The following SAMD13 variants were observed in gnomAD, a reference collection of about 807,000 sequenced individuals.
The protein encoded by SAMD13 is sterile alpha motif domain-containing protein 13.
A neutral mutation model predicts 12.4 loss-of-function variants in SAMD13; 9 were observed. That is an observed-to-expected ratio of 0.72 (90% confidence interval 0.44 to 1.26). The LOEUF is 1.26. SAMD13 is among the 50% of genes most tolerant of loss of function. The pLI is 0.00. For synonymous variants in SAMD13, 46 were observed against 45.4 expected (o/e 1.01, Z -0.05); for missense variants, 84 against 119.6 (o/e 0.70, Z 1.39).
intron 3 of SAMD13, among the ~76,000 whole-genome samples, chr1:84,338,332 G>A (rs1679347250): frequency 6.6e-6 from 1 of 151,932 alleles, no homozygotes; most frequent in Admixed American, 6.6e-5. Context: ...GGCTGGGGAG[G>A]CCTCACAACC....
upstream of SAMD13, among the ~76,000 whole-genome samples, chr1:84,299,910 G>T (rs768448431): frequency 2.6e-5 from 4 of 152,076 alleles, no homozygotes; most frequent in Non-Finnish European, 5.9e-5. Context: ...AGGAAGAGAT[G>T]CTTGGAAAAA....
rs1399682804 is a variant in SAMD13, at chr1:84,325,551, G to T, written c.54-86G>T. On this transcript the variant is annotated intron_variant, in intron 2 of 3. Transcript: ENST00000394834. ...CATCTGAACCCAAAAAACATGAAAG[G>T]CCTGTCCCAGAAGACCCATTTGTGA... The T allele has an allele frequency of 1.7e-5, 13 of 767,534 alleles. No homozygotes were observed. In the East Asian group the frequency reaches 3.0e-4, roughly 18 times the overall value. The allele number at this position is 767,534 out of a possible 1,614,324, so 47.5% of individuals were successfully genotyped here.
intron 3 of SAMD13, among the ~76,000 whole-genome samples, chr1:84,342,054 A>C (rs1679438763): frequency 6.6e-6 from 1 of 152,174 alleles, no homozygotes; most frequent in Non-Finnish European, 1.5e-5. Flanking sequence ...GCATTGACAT[A>C]AGTTAGCATA....
chr1:84,303,245 T>TTGAC lies in SAMD13; in HGVS notation c.12_15dup (p.Met6Ter), dbSNP rs1678490225. Reference sequence around the variant, plus strand: ...CCCTGCAGCCTTCCCATGCTATCTGTTGACATGGAAAACAAGGAAAATGGC... The same window carrying TTGAC: ...CCCTGCAGCCTTCCCATGCTATCTGTTGACTGACATGGAAAACAAGGAAAATGGC... On this transcript the variant is annotated frameshift_variant, in exon 2 of 4. Coordinates refer to ENST00000394834, the MANE Select transcript of SAMD13 (RefSeq NM_001134663.2). LOFTEE classifies it high-confidence loss of function. 6.2e-7 allele frequency: 1 copy of TTGAC among 1,613,120 alleles called. No individual in the cohort carries two copies. The highest frequency in any genetic ancestry group is 1.1e-5 in the South Asian group (1 of 91,072).
At chr1:84,320,066 C>T (rs756893918) in intron 2 of SAMD13, among the ~76,000 whole-genome samples, 1 of 152,144 alleles carries the variant, frequency 6.6e-6, no homozygotes, top group African/African-American at 2.4e-5. Flanking sequence ...TTCTTCATCC[C>T]ACAACTGACC....
At chr1:84,300,562 T>G (rs1028640609), upstream of SAMD13, among the ~76,000 whole-genome samples, 8 of 152,236 alleles carry the variant, frequency 5.3e-5, no homozygotes, top group Non-Finnish European at 1.2e-4. Context: ...AGGATCTTTC[T>G]GGGGAACCTG....
chr1:84,336,006 T>G (rs895679891), intron 3 of SAMD13, among the ~76,000 whole-genome samples: 1 of 152,154 alleles, frequency 6.6e-6, no homozygotes, highest in Non-Finnish European at 1.5e-5. Flanking sequence ...CCTTGGTGAA[T>G]CTGATGACTA....
At chr1:84,328,908 T>A (rs1679117052) in intron 3 of SAMD13, among the ~76,000 whole-genome samples, 1 of 152,052 alleles carries the variant, frequency 6.6e-6, no homozygotes, top group Non-Finnish European at 1.5e-5. Flanking sequence ...ATGGAGAGCA[T>A]CCCCTAAACC....
At chr1:84,338,914 T>C (rs1193757469) in intron 3 of SAMD13, among the ~76,000 whole-genome samples, 1 of 152,202 alleles carries the variant, frequency 6.6e-6, no homozygotes, top group African/African-American at 2.4e-5. Context: ...TCAGCCAGTC[T>C]TCAAGCTCTG....
At chr1:84,321,490 C>T (rs1678943470) in intron 2 of SAMD13, among the ~76,000 whole-genome samples, 1 of 152,090 alleles carries the variant, frequency 6.6e-6, no homozygotes. Context: ...GAAAGGGGCA[C>T]TTTTGTATTT....
chr1:84,301,414 A>T (rs977458217), upstream of SAMD13, among the ~76,000 whole-genome samples: 1 of 152,254 alleles, frequency 6.6e-6, no homozygotes, highest in African/African-American at 2.4e-5. Context: ...AAGACCTATC[A>T]TGCAGCAACA....
At chr1:84,337,879 A>G (rs940567393) in intron 3 of SAMD13, among the ~76,000 whole-genome samples, 5 of 152,176 alleles carry the variant, frequency 3.3e-5, no homozygotes, top group African/African-American at 1.2e-4. Context: ...TTCTTTTACC[A>G]GATACCCTAA....
chr1:84,346,724 A>G (rs967444975), intron 3 of SAMD13, among the ~76,000 whole-genome samples: 22 of 152,346 alleles, frequency 1.4e-4, no homozygotes, highest in African/African-American at 5.3e-4. Context: ...TTTCACTTGC[A>G]TCCCATGGAC....
chr1:84,303,668 A>G (rs1678499009), intron 2 of SAMD13: 1 of 167,718 alleles, frequency 6.0e-6, no homozygotes, highest in Non-Finnish European at 1.3e-5. Flanking sequence ...ATCACCTCTA[A>G]CTCTGAAAAC....
At chr1:84,310,198 A>G (rs1678678676) in intron 2 of SAMD13, among the ~76,000 whole-genome samples, 1 of 152,164 alleles carries the variant, frequency 6.6e-6, no homozygotes, top group South Asian at 2.1e-4. Flanking sequence ...ACATGACATC[A>G]TCAATGAAAT....
upstream of SAMD13, chr1:84,301,625 T>C: frequency 1.0e-6 from 1 of 985,418 alleles, no homozygotes; most frequent in Non-Finnish European, 1.2e-6. Context: ...TGGTGCAGCT[T>C]GTGTGTGATT....
At chr1:84,331,965 C>T (rs1488463278) in intron 3 of SAMD13, among the ~76,000 whole-genome samples, 1 of 152,108 alleles carries the variant, frequency 6.6e-6, no homozygotes, top group Non-Finnish European at 1.5e-5. Context: ...TTAGCTCCCA[C>T]TTATGAGAAC....
upstream of SAMD13, among the ~76,000 whole-genome samples, chr1:84,301,010 C>T (rs1678444318): frequency 6.6e-6 from 1 of 152,116 alleles, no homozygotes; most frequent in Non-Finnish European, 1.5e-5. Context: ...TAATTGTTTT[C>T]GTTTTGTAGA....
intron 3 of SAMD13, among the ~76,000 whole-genome samples, chr1:84,333,699 G>A (rs1412696072): frequency 2.0e-5 from 3 of 151,712 alleles, no homozygotes; most frequent in African/African-American, 7.3e-5. Context: ...CTTCTTATTT[G>A]GATTCTTATT....
Sources: gnomAD v4.1 joint callset for allele counts (sites outside exome capture counted in the v4.1 genomes callset) on GRCh38, gnomAD v4.1.1 for gene constraint, MANE v1.5 for transcripts, NCBI Gene and HGNC (gene_info 2026-07-23, HGNC 2026-07-21) for gene names.